CPNE8: variants seen among roughly 807,000 people sequenced by gnomAD.
The protein encoded by CPNE8 is copine 8.
A neutral mutation model predicts 81.5 loss-of-function variants in CPNE8; 45 were observed. The ratio of observed to expected loss-of-function variants is 0.55; its 90% CI spans 0.44 to 0.71. CPNE8 has a LOEUF of 0.71. Ranked by LOEUF, CPNE8 falls within the 30% of genes least tolerant of loss-of-function variation. CPNE8 has a pLI of 0.00. For missense variants in CPNE8, 594 were observed against 672.1 expected (o/e 0.88, Z 1.28); for synonymous variants, 252 against 226.3 (o/e 1.11, Z -1.02).
intron 6 of CPNE8, among the ~76,000 whole-genome samples, chr12:38,792,930 T>A (rs1030231164): frequency 6.6e-6 from 1 of 151,880 alleles, no homozygotes; most frequent in Non-Finnish European, 1.5e-5. Flanking sequence ...TAGTTCAACA[T>A]ATGAAAATCA....
intron 5 of CPNE8, among the ~76,000 whole-genome samples, chr12:38,837,183 G>A (rs1166382887): frequency 1.3e-5 from 2 of 152,140 alleles, no homozygotes; most frequent in East Asian, 3.8e-4. Flanking sequence ...GGCAGAAAGA[G>A]AAGCATTTTT....
chr12:38,746,779 A>G (rs1218555278), intron 10 of CPNE8, among the ~76,000 whole-genome samples: 2 of 152,246 alleles, frequency 1.3e-5, no homozygotes, highest in African/African-American at 4.8e-5. Flanking sequence ...AATAAAGTGC[A>G]ATTAAAAGTT....
intron 6 of CPNE8, among the ~76,000 whole-genome samples, chr12:38,799,205 G>A (rs995065032): frequency 2.6e-5 from 4 of 152,090 alleles, no homozygotes; most frequent in Non-Finnish European, 5.9e-5. Flanking sequence ...GGACCTAATA[G>A]ACATCTACAG....
At chr12:38,846,222 T>C (rs1352032005) in intron 4 of CPNE8, among the ~76,000 whole-genome samples, 3 of 152,108 alleles carry the variant, frequency 2.0e-5, no homozygotes, top group East Asian at 3.9e-4. Context: ...ACAAAGCTTA[T>C]AGGATCTCCA....
intron 6 of CPNE8, among the ~76,000 whole-genome samples, chr12:38,808,722 G>T (rs912978448): frequency 7.9e-5 from 12 of 151,366 alleles, no homozygotes; most frequent in African/African-American, 2.9e-4. Context: ...CCTGCACATT[G>T]TGCACATGTA....
intron 10 of CPNE8, among the ~76,000 whole-genome samples, chr12:38,743,521 G>A (rs1032059336): frequency 6.6e-6 from 1 of 151,900 alleles, no homozygotes; most frequent in Non-Finnish European, 1.5e-5. Context: ...GATTATTGAG[G>A]CAATTACTTA....
chr12:38,676,976 G>A (rs1939303475), intron 17 of CPNE8, among the ~76,000 whole-genome samples: 3 of 131,354 alleles, frequency 2.3e-5, no homozygotes, highest in Non-Finnish European at 3.4e-5. Context: ...TTATAGATTA[G>A]TAAACAATCA....
At chr12:38,901,405 C>T (rs531633807) in intron 1 of CPNE8, among the ~76,000 whole-genome samples, 1 of 152,150 alleles carries the variant, frequency 6.6e-6, no homozygotes, top group African/African-American at 2.4e-5. Context: ...AAATCAAGGA[C>T]CCAAGGAAAA....
At chr12:38,756,250 TCC>T (rs922558381) in intron 10 of CPNE8, among the ~76,000 whole-genome samples, 44 of 151,980 alleles carry the variant, frequency 2.9e-4, no homozygotes, top group African/African-American at 9.4e-4. Context: ...AGGACACCAG[TCC>T]CTGAAGTGCC....
At position 38,656,960 on chromosome 12, in the gene CPNE8, G is replaced by A. The variant is rs148761312; in HGVS notation, c.1507-2890C>T. Among the ~76,000 whole-genome samples, 610 of 152,284 alleles carry A rather than the reference G, an allele frequency of 4.0e-3. 9 individuals are homozygous for A. The highest frequency in any genetic ancestry group is 0.013 in the African/African-American group (549 of 41,550). On this transcript the variant is annotated intron_variant, in intron 19 of 19. Transcript: ENST00000331366. ...CTGGTCTGCAGCTCCCAGCGTGACA[G>A]ACACAGAAGATGGGTGATTTCTGCA...
chr12:38,809,411 G>T (rs1942889636), intron 6 of CPNE8, among the ~76,000 whole-genome samples: 1 of 152,090 alleles, frequency 6.6e-6, no homozygotes, highest in African/African-American at 2.4e-5. Context: ...GCCTTTAAAG[G>T]GTCACATGAT....
At chr12:38,844,629 G>A (rs1195592182) in intron 4 of CPNE8, among the ~76,000 whole-genome samples, 7 of 151,824 alleles carry the variant, frequency 4.6e-5, no homozygotes, top group East Asian at 1.9e-4. Flanking sequence ...AATTATTATC[G>A]GTTAACTATT....
At chr12:38,830,447 A>G (rs866595575) in intron 5 of CPNE8, among the ~76,000 whole-genome samples, 3 of 152,310 alleles carry the variant, frequency 2.0e-5, no homozygotes, top group South Asian at 4.1e-4. Context: ...GCAAACTCAT[A>G]TATCTATAAA....
intron 6 of CPNE8, among the ~76,000 whole-genome samples, chr12:38,786,394 C>A (rs1942188377): frequency 6.6e-6 from 1 of 152,106 alleles, no homozygotes; most frequent in Non-Finnish European, 1.5e-5. Flanking sequence ...GCTGCCTGTG[C>A]AGATAGAATG....
intron 7 of CPNE8, among the ~76,000 whole-genome samples, chr12:38,771,317 T>C (rs1941796109): frequency 6.7e-6 from 1 of 148,774 alleles, no homozygotes; most frequent in African/African-American, 2.5e-5. Context: ...AAAAAAAAAT[T>C]AGCCAGGTGT....
chr12:38,808,647 A>C (rs1339234013), intron 6 of CPNE8, among the ~76,000 whole-genome samples: 1 of 150,976 alleles, frequency 6.6e-6, no homozygotes, highest in Non-Finnish European at 1.5e-5. Context: ...AGATATATCT[A>C]ATGCTAAATG....
At chr12:38,884,161 C>G (rs1565662074) in intron 1 of CPNE8, among the ~76,000 whole-genome samples, 1 of 152,114 alleles carries the variant, frequency 6.6e-6, no homozygotes, top group Non-Finnish European at 1.5e-5. Flanking sequence ...CTCCTCCCAC[C>G]AAAAACACCC....
At position 38,730,293 on chromosome 12, in the gene CPNE8, T is replaced by C. The variant is rs779054687; in HGVS notation, c.788A>G (p.Asn263Ser). ...RELSRGQSQF[N>S]VYEVVNPKKK... ...TAAAATGCCTCTTACCTCATATACG[T>C]TGAATTGTGACTGCCCTCTAGAAAG... The change falls in exon 11 of 20, where the codon AAC becomes AGC. Residue 263 changes from asparagine to serine, a missense_variant. Transcript: ENST00000331366. 15 of 1,576,466 alleles carry C rather than the reference T, an allele frequency of 9.5e-6. No individual in the cohort carries two copies. In the Admixed American group the frequency reaches 1.0e-4, roughly 11 times the overall value.
chr12:38,823,781 A>G (rs994540236), intron 6 of CPNE8, among the ~76,000 whole-genome samples: 116 of 152,276 alleles, frequency 7.6e-4, no homozygotes, highest in African/African-American at 2.7e-3. Flanking sequence ...TGATTCTTGC[A>G]TTTCGGAAGG....
Sources: allele counts gnomAD v4.1 joint callset (sites outside exome capture counted in the v4.1 genomes callset), GRCh38; gene constraint gnomAD v4.1.1; transcripts MANE v1.5; gene names NCBI Gene and HGNC (gene_info 2026-07-23, HGNC 2026-07-21).